COL18A1: variants seen among roughly 807,000 people sequenced by gnomAD.
COL18A1 encodes the protein collagen type XVIII alpha 1 chain.
A neutral mutation model predicts 168.0 loss-of-function variants in COL18A1; 133 were observed. The observed-to-expected ratio is 0.79, with a 90% confidence interval of 0.69 to 0.91. The LOEUF (loss-of-function observed/expected upper bound fraction) is 0.91, where lower values mean the gene tolerates loss of function less well. COL18A1 is among the 40% of genes least tolerant of loss of function. The probability of loss-of-function intolerance (pLI) is 0.00; values close to 1 mark genes in which losing one functional copy is unlikely to be tolerated. For synonymous variants in COL18A1, 949 were observed against 809.0 expected (o/e 1.17, Z -2.94); for missense variants, 2,126 against 1,925.4 (o/e 1.10, Z -1.95).
chr21:45,457,145 C>T lies in COL18A1; in HGVS notation c.107-11097C>T, dbSNP rs536375333. Among the ~76,000 whole-genome samples, 54 of 152,274 alleles carry T rather than the reference C, an allele frequency of 3.5e-4. No homozygotes were observed. The South Asian group carries it at 1.0e-2, about 28-fold the overall frequency. On this transcript the variant is annotated intron_variant, in intron 2 of 41. Transcript: ENST00000651438. The surrounding 1 kb of genome is among the most constrained non-coding windows in gnomAD (Gnocchi z 4.6). Reference sequence around the variant, plus strand: ...GCCTGGAGCTCCCTGAGCATTTTAGCGCATTTAGTCCTCAGCACGGTCCCG... The same window carrying T: ...GCCTGGAGCTCCCTGAGCATTTTAGTGCATTTAGTCCTCAGCACGGTCCCG...
intron 3 of COL18A1, among the ~76,000 whole-genome samples, chr21:45,469,839 C>T (rs904295388): frequency 3.4e-4 from 51 of 152,188 alleles, no homozygotes; most frequent in African/African-American, 1.1e-3. Flanking sequence ...TGACTTTTCA[C>T]CTTTGGCAGG....
chr21:45,496,905 C>T, intron 30 of COL18A1, 145 bp from the exon 31 acceptor site: 1 of 708,722 alleles, frequency 1.4e-6, no homozygotes. Context: ...CTCCGTACCC[C>T]TGTTCCCTCC....
chr21:45,409,198 G>A (rs933142127), intron 2 of COL18A1, among the ~76,000 whole-genome samples: 6 of 152,154 alleles, frequency 3.9e-5, no homozygotes, highest in African/African-American at 7.2e-5. Flanking sequence ...AGAACAAGAC[G>A]ACAGGCCTGG....
chr21:45,442,668 G>A (rs1259371203), intron 2 of COL18A1, among the ~76,000 whole-genome samples: 1 of 141,542 alleles, frequency 7.1e-6, no homozygotes, highest in Non-Finnish European at 1.5e-5. Flanking sequence ...TGTGGGCGGC[G>A]GTCCTGGTGT....
intron 2 of COL18A1, among the ~76,000 whole-genome samples, chr21:45,452,493 A>T (rs547060461): frequency 6.7e-6 from 1 of 149,094 alleles, no homozygotes; most frequent in African/African-American, 2.5e-5. Context: ...TTCTGTATGC[A>T]TGTGTGTATT....
At chr21:45,456,863 C>T (rs2034845768) in intron 2 of COL18A1, 1 of 1,453,618 alleles carries the variant, frequency 6.9e-7, no homozygotes, top group Non-Finnish European at 9.1e-7. Context: ...GTACTGTGTG[C>T]TCATTGGGCC....
chr21:45,489,960 C>T (rs1265511331), intron 19 of COL18A1, among the ~76,000 whole-genome samples: 1 of 41,826 alleles, frequency 2.4e-5, no homozygotes, highest in South Asian at 1.8e-3. Flanking sequence ...CCCCCTGCCC[C>T]ACACCTCCTC....
chr21:45,506,643 G>A lies in COL18A1; in HGVS notation c.3216+677G>A, dbSNP rs921328295. The A allele has an allele frequency of 2.9e-5, 5 of 171,028 alleles. No homozygotes were observed. The East Asian group carries it at 4.5e-4, about 15-fold the overall frequency. The allele number at this position is 171,028 out of a possible 1,614,324, so 10.6% of individuals were successfully genotyped here. A position where few individuals can be genotyped will look rare whatever the true frequency, so the allele number is the denominator to read the frequency against. On this transcript the variant is annotated intron_variant, in intron 37 of 41. Coordinates refer to ENST00000651438, the MANE Select transcript of COL18A1 (RefSeq NM_001379500.1). Reference sequence around the variant, plus strand: ...GGTAGAAGCCCCATGCCGCCGAAACGGCCTGTGACATCCGTGGGAGCCTCC... The same window carrying A: ...GGTAGAAGCCCCATGCCGCCGAAACAGCCTGTGACATCCGTGGGAGCCTCC...
intron 2 of COL18A1, among the ~76,000 whole-genome samples, chr21:45,447,552 T>C (rs558624343): frequency 6.6e-6 from 1 of 152,264 alleles, no homozygotes; most frequent in South Asian, 2.1e-4. Context: ...TGTTTATGGA[T>C]TGGAAGACAG....
chr21:45,495,668 A>C, intron 29 of COL18A1: 1 of 521,758 alleles, frequency 1.9e-6, no homozygotes, highest in Non-Finnish European at 3.6e-6. Context: ...GTGTGCACAT[A>C]TACACATGCA....
Position 45,510,143 on chromosome 21 carries a change from AGGC to A in COL18A1, c.3577_3579del (p.Ala1193del). 6.3e-7 allele frequency: 1 copy of A among 1,599,938 alleles called. No homozygotes were observed. Among genetic ancestry groups the A allele is most frequent in the Non-Finnish European group, 8.5e-7 (1 of 1,174,138 alleles). Reference sequence around the variant, plus strand: ...GGGGCCGACTTCCAGTGCTTCCAGCAGGCGCGGGCCGTGGGGCTGGCGGGCACC... The same window carrying A: ...GGGGCCGACTTCCAGTGCTTCCAGCAGCGGGCCGTGGGGCTGGCGGGCACC... On this transcript the variant is annotated inframe_deletion, in exon 40 of 42. Transcript: ENST00000651438.
chr21:45,475,688 C>T (rs906922229), intron 5 of COL18A1, among the ~76,000 whole-genome samples, 153 bp downstream of exon 5: 2 of 152,234 alleles, frequency 1.3e-5, no homozygotes, highest in African/African-American at 2.4e-5. Flanking sequence ...GGATGCTGGG[C>T]TGGGCAGACG....
At chr21:45,465,247 C>A (rs1028235390) in intron 2 of COL18A1, among the ~76,000 whole-genome samples, 5 of 152,194 alleles carry the variant, frequency 3.3e-5, no homozygotes, top group African/African-American at 9.6e-5. Context: ...CCAGCTGAGC[C>A]ACCCCACCTG....
At chr21:45,411,764 GGT>G (rs2123505906) in intron 2 of COL18A1, among the ~76,000 whole-genome samples, 1 of 136,116 alleles carries the variant, frequency 7.3e-6, no homozygotes, top group African/African-American at 2.7e-5. Context: ...GATGGCGGGG[GGT>G]GGGGGGGGGG....
At chr21:45,482,871 C>A in intron 15 of COL18A1, 50 bp downstream of exon 15, 1 of 1,613,942 alleles carries the variant, frequency 6.2e-7, no homozygotes, top group Non-Finnish European at 8.5e-7. Flanking sequence ...GGTGCCCACT[C>A]AGTGCTCGGA....
intron 2 of COL18A1, among the ~76,000 whole-genome samples, chr21:45,422,923 G>C (rs2123553961): frequency 6.6e-6 from 1 of 152,240 alleles, no homozygotes; most frequent in South Asian, 2.1e-4. Context: ...GAGTAGCTGG[G>C]ATTACAGGCA....
At chr21:45,483,162 G>A (rs556073819) in intron 15 of COL18A1, among the ~76,000 whole-genome samples, 136 of 152,380 alleles carry the variant, frequency 8.9e-4, no homozygotes, top group African/African-American at 3.0e-3. Flanking sequence ...GGAGCTTTGG[G>A]AGGAGGGGCT....
At chr21:45,446,799 C>G (rs968738468) in intron 2 of COL18A1, among the ~76,000 whole-genome samples, 1 of 152,176 alleles carries the variant, frequency 6.6e-6, no homozygotes, top group Non-Finnish European at 1.5e-5. Context: ...AAAAAAAATT[C>G]ACCATGGCTA....
At position 45,497,620 on chromosome 21, in the gene COL18A1, C is replaced by T. The variant is rs1336199682; in HGVS notation, c.2642C>T (p.Pro881Leu). Residue 881 changes from proline (P) to leucine (L), a missense_variant, in exon 32 of 42, where the codon CCC becomes CTC. Physicochemically the swap from Pro to Leu is moderately conservative, Grantham distance 98. Coordinates refer to ENST00000651438, the MANE Select transcript of COL18A1 (RefSeq NM_001379500.1). The part of the protein sequence containing the change: ...GLPGNQGPPG[P>L]KGAKGEVGPP... The stretch of plus-strand genomic sequence containing the variant: ...CCAGGGAATCAGGGCCCTCCAGGAC[C>T]CAAGGGCGCCAAAGGAGAAGTGGGC... The T allele has an allele frequency of 1.9e-6, 3 of 1,567,416 alleles. No homozygotes were observed. The Admixed American group carries it at 5.6e-5, about 29-fold the overall frequency.
Sources: allele counts gnomAD v4.1 joint callset (sites outside exome capture counted in the v4.1 genomes callset), GRCh38; gene constraint gnomAD v4.1.1; non-coding constraint Gnocchi (gnomAD v3.1); transcripts MANE v1.5; gene names NCBI Gene and HGNC (gene_info 2026-07-23, HGNC 2026-07-21).